ZBBX: variants seen among roughly 807,000 people sequenced by gnomAD.
ZBBX encodes zinc finger B-box domain containing.
In ZBBX, 101 loss-of-function variants were observed where a neutral mutation model predicts 108.5. The ratio of observed to expected loss-of-function variants is 0.93; its 90% confidence interval spans 0.79 to 1.10. ZBBX has a LOEUF of 1.10. Ranked by LOEUF, ZBBX falls within the 50% of genes least tolerant of loss-of-function variation. The pLI is 0.00. For missense variants in ZBBX, 1,009 were observed against 941.4 expected, an observed-to-expected ratio of 1.07 and a Z score of -0.94; for synonymous variants, 356 against 323.4, an observed-to-expected ratio of 1.10 and a Z score of -1.08.
intron 1 of ZBBX, among the ~76,000 whole-genome samples, chr3:167,399,741 C>T (rs988760293): frequency 1.3e-5 from 2 of 152,128 alleles, no homozygotes; most frequent in African/African-American, 4.8e-5. Flanking sequence ...CATGGATACA[C>T]ATGCTTGTTT....
intron 11 of ZBBX, among the ~76,000 whole-genome samples, chr3:167,322,962 G>C (rs1736693535): frequency 6.6e-6 from 1 of 151,974 alleles, no homozygotes; most frequent in South Asian, 2.1e-4. Flanking sequence ...TCATATTGTA[G>C]ACTTCAATGA....
Position 167,303,106 on chromosome 3 carries a change from T to C in ZBBX, c.1725+2537A>G, listed in dbSNP as rs148251075. On this transcript the variant is annotated intron_variant, in intron 17 of 21. Coordinates refer to ENST00000675490, the MANE Select transcript of ZBBX (RefSeq NM_001199201.2). ...AAAAACATGAGAGACCCAAGAGGAATTGTACACCCAATACTTAACTATACT... is the reference window on the plus strand; with the variant it reads ...AAAAACATGAGAGACCCAAGAGGAACTGTACACCCAATACTTAACTATACT... 9.2e-5 allele frequency among the ~76,000 whole-genome samples: 14 copies of C among 152,292 alleles called. No individual in the cohort carries two copies. In the East Asian group the frequency reaches 9.7e-4, roughly 11 times the overall value.
chr3:167,395,506 T>C (rs1320389264), intron 1 of ZBBX, among the ~76,000 whole-genome samples: 2 of 152,008 alleles, frequency 1.3e-5, no homozygotes, highest in South Asian at 2.1e-4. Context: ...TGGCTCCTCA[T>C]GCAGCAACAA....
chr3:167,319,362 A>G (rs1054337448), intron 12 of ZBBX, among the ~76,000 whole-genome samples: 17 of 152,064 alleles, frequency 1.1e-4, no homozygotes, highest in Non-Finnish European at 1.2e-4. Context: ...GTTACGGACT[A>G]AGAAAGGGAA....
chr3:167,391,811 A>C (rs1748091023), intron 1 of ZBBX, among the ~76,000 whole-genome samples: 1 of 151,864 alleles, frequency 6.6e-6, no homozygotes, highest in Non-Finnish European at 1.5e-5. Context: ...TATATGCTGT[A>C]TGTCTGTGTA....
At chr3:167,200,825 CA>C in the ZBBX span, among the ~76,000 whole-genome samples, 3 of 152,010 alleles carry the variant, frequency 2.0e-5, no homozygotes, top group Non-Finnish European at 4.4e-5. Flanking sequence ...AAGTGTGCCA[CA>C]AAAGTGGAAG....
At chr3:167,242,426 A>G (rs1382556810) in intron 21 of ZBBX, 79 bp downstream of exon 21, 9 of 1,194,408 alleles carry the variant, frequency 7.5e-6, no homozygotes, top group Non-Finnish European at 9.2e-6. Context: ...CTTTCTATAT[A>G]TAATAAAGAT....
the ZBBX span, among the ~76,000 whole-genome samples, chr3:167,204,102 A>C: frequency 6.6e-6 from 1 of 152,138 alleles, no homozygotes. Context: ...ATTGAATATC[A>C]CATGGAAAAC....
At chr3:167,237,847 T>C (rs963550365), downstream of ZBBX, among the ~76,000 whole-genome samples, 1 of 151,974 alleles carries the variant, frequency 6.6e-6, no homozygotes, top group African/African-American at 2.4e-5. Context: ...AAAATTCTTA[T>C]ATTGTAAAAG....
chr3:167,262,102 G>A (rs1398587029), intron 20 of ZBBX, among the ~76,000 whole-genome samples: 1 of 152,094 alleles, frequency 6.6e-6, no homozygotes, highest in African/African-American at 2.4e-5. Context: ...AACTTCTCAC[G>A]CAAACAGAAC....
At chr3:167,227,338 C>A in the ZBBX span, among the ~76,000 whole-genome samples, 2 of 151,604 alleles carry the variant, frequency 1.3e-5, no homozygotes. Flanking sequence ...AAACTTCTTA[C>A]AAATTTACCT....
At chr3:167,202,022 T>C in the ZBBX span, among the ~76,000 whole-genome samples, 2 of 152,244 alleles carry the variant, frequency 1.3e-5, no homozygotes, top group East Asian at 1.9e-4. Flanking sequence ...ATAAAGTGCA[T>C]GTTCCTGCTC....
chr3:167,348,432 GAGAA>G (rs1029079883), intron 9 of ZBBX, among the ~76,000 whole-genome samples: 1 of 51,100 alleles, frequency 2.0e-5, no homozygotes, highest in African/African-American at 7.2e-5. Flanking sequence ...AAGAGGGAGA[GAGAA>G]AGAGAGAGAA....
the ZBBX span, among the ~76,000 whole-genome samples, chr3:167,231,231 A>G: frequency 6.6e-6 from 1 of 151,798 alleles, no homozygotes; most frequent in Non-Finnish European, 1.5e-5. Context: ...TCAGCTAGAG[A>G]GATTGTCAGT....
chr3:167,330,617 C>T (rs1251470986), intron 10 of ZBBX, among the ~76,000 whole-genome samples: 7 of 151,598 alleles, frequency 4.6e-5, no homozygotes, highest in South Asian at 2.1e-4. Flanking sequence ...GATAGTTGGA[C>T]GTGGTGGTAT....
At position 167,333,823 on chromosome 3, in the gene ZBBX, T is replaced by A; in HGVS notation, c.687+4A>T. 1.3e-6 allele frequency: 2 copies of A among 1,591,946 alleles called. No homozygotes were observed. The highest frequency in any genetic ancestry group is 1.7e-6 in the Non-Finnish European group (2 of 1,172,396). ...AAATGTCTACTATATTTTCCTCAGT[T>A]TACCTCAGAGCTGCTCCTCTGGAGA... On this transcript the variant is annotated splice_donor_region_variant and intron_variant, in intron 10 of 21. Transcript: ENST00000675490.
At chr3:167,199,943 CCA>C in the ZBBX span, among the ~76,000 whole-genome samples, 65 of 152,208 alleles carry the variant, frequency 4.3e-4, no homozygotes, top group Middle Eastern at 6.8e-3. Flanking sequence ...TGTGGTCTCT[CCA>C]CAGTTTCTAC....
chr3:167,334,451 G>GT (rs1394609773), intron 9 of ZBBX, among the ~76,000 whole-genome samples: 2 of 152,052 alleles, frequency 1.3e-5, no homozygotes. Flanking sequence ...GTGTGTGCCT[G>GT]TAGTCTCCGC....
At chr3:167,235,302 A>G (rs1483142861), downstream of ZBBX, among the ~76,000 whole-genome samples, 2 of 151,710 alleles carry the variant, frequency 1.3e-5, no homozygotes, top group Non-Finnish European at 3.0e-5. Flanking sequence ...GCTTAAGAAT[A>G]TTCATCACTA....
Sources: allele counts gnomAD v4.1 joint callset (sites outside exome capture counted in the v4.1 genomes callset), GRCh38; gene constraint gnomAD v4.1.1; transcripts MANE v1.5; gene names NCBI Gene and HGNC (gene_info 2026-07-23, HGNC 2026-07-21).